The following PPM1D variants were observed in gnomAD, a reference collection of about 807,000 sequenced individuals.
The protein encoded by PPM1D is protein phosphatase, Mg2+/Mn2+ dependent 1D.
A neutral mutation model predicts 58.3 loss-of-function variants in PPM1D; 52 were observed. The ratio of observed to expected loss-of-function variants is 0.89; its 90% confidence interval spans 0.71 to 1.12. The LOEUF is 1.12. Among genes scored for constraint, PPM1D ranks in the 50% most tolerant of loss-of-function variants. PPM1D has a pLI of 0.00. For synonymous variants in PPM1D, 278 were observed against 285.1 expected, an observed-to-expected ratio of 0.98 and a Z score of 0.25; for missense variants, 564 against 777.2, an observed-to-expected ratio of 0.73 and a Z score of 3.26.
chr17:60,635,352 A>AT (rs1422673228), intron 3 of PPM1D, among the ~76,000 whole-genome samples: 1 of 151,818 alleles, frequency 6.6e-6, no homozygotes, highest in Non-Finnish European at 1.5e-5. Flanking sequence ...AGTAGCTGGG[A>AT]TTACAGGCAT....
chr17:60,644,601 C>T (rs1465261930), intron 3 of PPM1D, among the ~76,000 whole-genome samples: 1 of 152,168 alleles, frequency 6.6e-6, no homozygotes, highest in African/African-American at 2.4e-5. Context: ...TGAAGTATTA[C>T]TGTTTGGAGG....
At position 60,665,841 on chromosome 17, in the gene PPM1D, A is replaced by T. The variant is rs1316999551; in HGVS notation, c.*2289A>T. On this transcript the variant is annotated 3_prime_UTR_variant, in exon 6 of 6. Transcript: ENST00000305921. ...TGGCAGGAGACCTCAGTTTGTTGCC[A>T]CATGTTCCCCTCCAGAGGGCCTCTC... The T allele has an allele frequency of 6.6e-6, 1 of 152,202 alleles. No homozygotes were observed. The highest frequency in any genetic ancestry group is 6.5e-5 in the Admixed American group (1 of 15,270). 9.4% of individuals were successfully genotyped at this position (152,202 alleles called of 1,614,324 possible).
chr17:60,607,426 G>A (rs554735992), intron 1 of PPM1D, among the ~76,000 whole-genome samples: 3 of 152,154 alleles, frequency 2.0e-5, no homozygotes, highest in South Asian at 4.1e-4. Context: ...GGGATTACAC[G>A]CATGTGCCAC....
intron 5 of PPM1D, chr17:60,657,129 TTAAATA>T: frequency 8.4e-7 from 1 of 1,190,818 alleles, no homozygotes; most frequent in Non-Finnish European, 1.1e-6. Context: ...TGTGAAGCAC[TTAAATA>T]TATTTTATTT....
In PPM1D at chr17:60,600,856, G is replaced by T. The variant is rs1176152587; in HGVS notation, c.442G>T (p.Ala148Ser). The T allele has an allele frequency of 2.5e-6, 4 of 1,612,986 alleles. No homozygotes were observed. Among genetic ancestry groups the T allele is most frequent in the African/African-American group, 2.7e-5 (2 of 74,940 alleles). Residue 148 changes from alanine to serine, a missense_variant, in exon 1 of 6, where the codon GCT (alanine) becomes TCT (serine). Ala to Ser is a moderately conservative substitution (Grantham distance 99). This residue lies in a region of PPM1D where 95 missense variants were observed against 232.6 expected (regional missense o/e 0.41). Transcript: ENST00000305921. ...CGCTGCCATCCGCAAAGGCTTTCTC[G>T]CTTGTCACCTTGCCATGTGGAAGAA... ...VCAAIRKGFL[A>S]CHLAMWKKLA...
rs749533138 is a variant in PPM1D, at chr17:60,656,852, C to T, written c.1260+11C>T. The T allele has an allele frequency of 6.2e-7, 1 of 1,613,676 alleles. No homozygotes were observed. Among genetic ancestry groups the T allele is most frequent in the Non-Finnish European group, 8.5e-7 (1 of 1,179,936 alleles). ...ACACCACCAGTCAAGGTATATAGTT[C>T]CATAGTTTTTAAGTTATGTTTTAAT... On this transcript the variant is annotated intron_variant, in intron 5 of 5. Coordinates refer to ENST00000305921, the MANE Select transcript of PPM1D (RefSeq NM_003620.4).
intron 2 of PPM1D, among the ~76,000 whole-genome samples, chr17:60,625,679 C>A (rs1387590738): frequency 6.6e-6 from 1 of 152,088 alleles, no homozygotes; most frequent in Non-Finnish European, 1.5e-5. Context: ...GTAATATGAA[C>A]TCCCATGTAT....
chr17:60,643,214 T>C (rs2031171747), intron 3 of PPM1D, among the ~76,000 whole-genome samples: 1 of 151,742 alleles, frequency 6.6e-6, no homozygotes, highest in African/African-American at 2.4e-5. Context: ...ACCCCATCTG[T>C]AGAAAAAAAT....
intron 3 of PPM1D, among the ~76,000 whole-genome samples, chr17:60,647,094 C>T (rs1304680884): frequency 2.0e-5 from 3 of 152,168 alleles, no homozygotes; most frequent in African/African-American, 7.2e-5. Context: ...TGGCCCTTTG[C>T]GCTTAGCCTG....
chr17:60,640,906 CTG>C (rs1330060542), intron 3 of PPM1D, among the ~76,000 whole-genome samples: 4 of 151,696 alleles, frequency 2.6e-5, no homozygotes, highest in Non-Finnish European at 5.9e-5. Flanking sequence ...CCAGCTGCAT[CTG>C]TGTTGCTGCA....
At chr17:60,621,218 C>T (rs1006690664) in intron 1 of PPM1D, among the ~76,000 whole-genome samples, 20 of 152,200 alleles carry the variant, frequency 1.3e-4, no homozygotes, top group East Asian at 1.9e-4. Flanking sequence ...CCACCGCATC[C>T]GGCCTGAGTT....
intron 5 of PPM1D, among the ~76,000 whole-genome samples, 154 bp from the exon 6 acceptor site, chr17:60,662,841 C>A (rs1847700319): frequency 6.6e-6 from 1 of 152,156 alleles, no homozygotes; most frequent in Non-Finnish European, 1.5e-5. Flanking sequence ...AACCTTAACA[C>A]ATAGTTCAGT....
At chr17:60,630,178 A>T (rs1346985909) in intron 2 of PPM1D, among the ~76,000 whole-genome samples, 1 of 152,038 alleles carries the variant, frequency 6.6e-6, no homozygotes, top group Admixed American at 6.5e-5. Flanking sequence ...ATCTCTAAAA[A>T]ATTTTTTTAT....
intron 3 of PPM1D, among the ~76,000 whole-genome samples, chr17:60,637,415 T>A (rs545438535): frequency 5.0e-4 from 76 of 152,160 alleles, no homozygotes; most frequent in Middle Eastern, 3.2e-3. Context: ...TCCTACTCAG[T>A]ATTTTTAACT....
chr17:60,652,363 A>G (rs961662443), intron 4 of PPM1D, among the ~76,000 whole-genome samples: 1 of 152,116 alleles, frequency 6.6e-6, no homozygotes, highest in African/African-American at 2.4e-5. Flanking sequence ...ATGTGTATAT[A>G]CACCACATTT....
intron 5 of PPM1D, among the ~76,000 whole-genome samples, chr17:60,658,433 G>A (rs1196878709): frequency 2.6e-5 from 4 of 151,910 alleles, no homozygotes; most frequent in Non-Finnish European, 5.9e-5. Flanking sequence ...CAGATAACCT[G>A]AGGTCAGGAG....
At position 60,663,240 on chromosome 17, in the gene PPM1D, T is replaced by C. The variant is rs1567979583; in HGVS notation, c.1506T>C (p.Asn502=). Residue 502 remains asparagine, a synonymous_variant, in exon 6 of 6, where the codon AAT becomes AAC. Transcript: ENST00000305921. ...TTCCAATTGGCCTTGTGCCTACTAA[T>C]TCAACAAACACTGTCATGGACCAAA... is the stretch of plus-strand genomic sequence containing the variant. ...NSLPIGLVPT[N]STNTVMDQKN... is the part of the protein sequence containing the mutation. The C allele has an allele frequency of 1.2e-6, 2 of 1,614,154 alleles. No individual in the cohort carries two copies. The highest frequency in any genetic ancestry group is 8.5e-7 in the Non-Finnish European group (1 of 1,180,028).
chr17:60,603,035 T>G (rs893350955), intron 1 of PPM1D, among the ~76,000 whole-genome samples: 1 of 152,164 alleles, frequency 6.6e-6, no homozygotes, highest in Non-Finnish European at 1.5e-5. Context: ...AAATACTCCA[T>G]TTCCATTTTC....
In PPM1D at chr17:60,600,586, C is replaced by G. The variant is rs775961598; in HGVS notation, c.172C>G (p.Leu58Val). ...PLPPRPSPAA[L>V]PGGEVSGKGP... ...GCCTCCGCGGCCGTCGCCGGCCGCC[C>G]TTCCCGGCGGCGAAGTCTCGGGGAA... The change falls in exon 1 of 6, where the codon CTT becomes GTT. Residue 58 changes from leucine (L) to valine (V), a missense_variant. Physicochemically the swap from Leu to Val is conservative, Grantham distance 32. Transcript: ENST00000305921. The G allele has an allele frequency of 3.2e-6, 5 of 1,555,546 alleles. No homozygotes were observed. The Admixed American group carries it at 7.8e-5, about 24-fold the overall frequency.
Sources: allele counts gnomAD v4.1 joint callset (sites outside exome capture counted in the v4.1 genomes callset), GRCh38; gene constraint gnomAD v4.1.1; regional missense constraint gnomAD v4.1.1; transcripts MANE v1.5; gene names NCBI Gene and HGNC (gene_info 2026-07-23, HGNC 2026-07-21).